DDC: variants seen among roughly 807,000 people sequenced by gnomAD.
The protein encoded by DDC is aromatic-L-amino-acid decarboxylase.
DDC carries 43 observed loss-of-function variants against 60.0 expected under a neutral mutation model. The observed-to-expected ratio is 0.72, with a 90% confidence interval of 0.56 to 0.92. DDC has a LOEUF of 0.92. DDC is among the 40% of genes least tolerant of loss of function. The probability of loss-of-function intolerance (pLI) is 0.00; values close to 1 mark genes in which losing one functional copy is unlikely to be tolerated. For synonymous variants in DDC, 232 were observed against 234.6 expected, an observed-to-expected ratio of 0.99 and a Z score of 0.10; for missense variants, 573 against 620.2, an observed-to-expected ratio of 0.92 and a Z score of 0.81.
At chr7:50,547,208 C>G (rs2044836290) in intron 1 of DDC, among the ~76,000 whole-genome samples, 1 of 148,116 alleles carries the variant, frequency 6.8e-6, no homozygotes, top group South Asian at 2.1e-4. Flanking sequence ...TTTTCTTTTT[C>G]TTTTTTTTTT....
chr7:50,477,146 C>G (rs2042664112), intron 10 of DDC, among the ~76,000 whole-genome samples: 2 of 152,184 alleles, frequency 1.3e-5, no homozygotes, highest in Non-Finnish European at 2.9e-5. Flanking sequence ...CAGTGAATAT[C>G]TGCTGAGTCA....
chr7:50,461,559 T>C (rs1383780536), intron 14 of DDC, among the ~76,000 whole-genome samples: 1 of 152,228 alleles, frequency 6.6e-6, no homozygotes, highest in Non-Finnish European at 1.5e-5. Context: ...AGAGCTACAC[T>C]CTCCACATAT....
At chr7:50,498,079 G>C (rs1337738669) in intron 8 of DDC, among the ~76,000 whole-genome samples, 1 of 152,176 alleles carries the variant, frequency 6.6e-6, no homozygotes, top group Non-Finnish European at 1.5e-5. Context: ...AGTATTTACT[G>C]TCTGCCAGGC....
intron 11 of DDC, among the ~76,000 whole-genome samples, chr7:50,473,292 G>A (rs1256041693): frequency 6.6e-6 from 1 of 152,164 alleles, no homozygotes; most frequent in Non-Finnish European, 1.5e-5. Flanking sequence ...CCAGGGCCCT[G>A]AGGCTGCTCC....
At chr7:50,468,241 G>A (rs1280650880) in intron 12 of DDC, among the ~76,000 whole-genome samples, 1 of 152,250 alleles carries the variant, frequency 6.6e-6, no homozygotes, top group Admixed American at 6.5e-5. Flanking sequence ...GGGCGATCCC[G>A]AAAGCCGGTT....
intron 9 of DDC, among the ~76,000 whole-genome samples, chr7:50,489,481 T>G (rs2042954105): frequency 6.6e-6 from 1 of 152,246 alleles, no homozygotes; most frequent in African/African-American, 2.4e-5. Context: ...CTAAAGTCAT[T>G]GTACTATTAC....
intron 1 of DDC, among the ~76,000 whole-genome samples, chr7:50,548,075 G>C (rs2044864952): frequency 1.3e-5 from 2 of 152,118 alleles, no homozygotes; most frequent in Non-Finnish European, 2.9e-5. Context: ...ATTGTTTTGG[G>C]ACAGCATGGA....
intron 14 of DDC, among the ~76,000 whole-genome samples, chr7:50,459,915 A>T (rs75826179): frequency 7.8e-6 from 1 of 128,458 alleles, no homozygotes; most frequent in African/African-American, 3.3e-5. Context: ...CAGCCGCCCC[A>T]TCCAGGAGGG....
At chr7:50,531,240 G>C (rs2044195876) in intron 4 of DDC, among the ~76,000 whole-genome samples, 1 of 152,148 alleles carries the variant, frequency 6.6e-6, no homozygotes, top group Admixed American at 6.5e-5. Flanking sequence ...AGGAAACCCA[G>C]GCTCCCTGAG....
chr7:50,471,854 A>T lies in DDC; in HGVS notation c.1042-1683T>A, dbSNP rs566738061. Among the ~76,000 whole-genome samples the T allele has an allele frequency of 5.7e-4, 87 of 152,284 alleles. 1 individual carries two copies. Among genetic ancestry groups the T allele is most frequent in the African/African-American group, 2.0e-3 (83 of 41,566 alleles). On this transcript the variant is annotated intron_variant, in intron 11 of 14. Coordinates refer to ENST00000444124, the MANE Select transcript of DDC (RefSeq NM_001082971.2). Reference sequence around the variant, plus strand: ...ACCACTAGCTGACTGACTATCTAACAGTCAGTAAAACGACGCTTCCCTGCC... The same window carrying T: ...ACCACTAGCTGACTGACTATCTAACTGTCAGTAAAACGACGCTTCCCTGCC...
chr7:50,462,226 C>CAAA (rs11410259), intron 14 of DDC, among the ~76,000 whole-genome samples: 83 of 75,322 alleles, frequency 1.1e-3, no homozygotes, highest in Middle Eastern at 9.3e-3. Flanking sequence ...GACAAAAAGA[C>CAAA]AAAAAAAAAA....
rs2043858973 is a variant in DDC at position 50,520,463 on chromosome 7, A to ACTTCAG, written c.714+7673_714+7674insCTGAAG. ...TCAAGAAAAATTTAAAAGTACTTCA[A>ACTTCAG]TGAAAATGACAATAAAACTCATCAA... On this transcript the variant is annotated intron_variant, in intron 6 of 14. Coordinates refer to ENST00000444124, the MANE Select transcript of DDC (RefSeq NM_001082971.2). 2.0e-5 allele frequency among the ~76,000 whole-genome samples: 3 copies of ACTTCAG among 152,130 alleles called. No homozygotes were observed. In the South Asian group the frequency reaches 6.2e-4, roughly 32 times the overall value.
chr7:50,547,162 C>G (rs1207900335), intron 1 of DDC, among the ~76,000 whole-genome samples: 1 of 151,978 alleles, frequency 6.6e-6, no homozygotes, highest in East Asian at 1.9e-4. Context: ...TTTTTCTTTA[C>G]TAATTTCTAA....
At chr7:50,534,697 T>C (rs547346537) in intron 4 of DDC, among the ~76,000 whole-genome samples, 1 of 152,022 alleles carries the variant, frequency 6.6e-6, no homozygotes, top group African/African-American at 2.4e-5. Context: ...AAAAAGTAAG[T>C]CGGCCACCAA....
intron 6 of DDC, among the ~76,000 whole-genome samples, chr7:50,526,765 A>T (rs1475960210): frequency 3.9e-5 from 6 of 152,206 alleles, no homozygotes; most frequent in Non-Finnish European, 7.4e-5. Flanking sequence ...TTGAAAGTAG[A>T]ATGGAAAATG....
intron 11 of DDC, among the ~76,000 whole-genome samples, chr7:50,473,418 G>A (rs935916946): frequency 5.9e-5 from 9 of 152,174 alleles, no homozygotes; most frequent in East Asian, 5.8e-4. Flanking sequence ...CCTGTGCTTC[G>A]CATTTAGAAG....
intron 10 of DDC, among the ~76,000 whole-genome samples, chr7:50,477,373 A>G (rs2042669063): frequency 6.6e-6 from 1 of 152,244 alleles, no homozygotes; most frequent in Admixed American, 6.5e-5. Flanking sequence ...CCTGCTGCAC[A>G]GATCGGTGGA....
rs146336938 is a variant in DDC at position 50,471,221 on chromosome 7, C to T, written c.1042-1050G>A. 1.2e-3 allele frequency among the ~76,000 whole-genome samples: 180 copies of T among 152,188 alleles called. 7 individuals carry two copies. The East Asian group carries it at 0.032, about 27-fold the overall frequency. On this transcript the variant is annotated intron_variant, in intron 11 of 14. Transcript: ENST00000444124. ...AGCCTGACCAACATGATGAAACCCT[C>T]TCTCTACTAAAAATACAAAAATTAG...
At chr7:50,518,947 C>A (rs1352118574) in intron 6 of DDC, among the ~76,000 whole-genome samples, 3 of 152,188 alleles carry the variant, frequency 2.0e-5, no homozygotes, top group Admixed American at 6.5e-5. Context: ...GCAGGGTAAA[C>A]AGACAACCCA....
Sources: gnomAD v4.1 joint callset for allele counts (sites outside exome capture counted in the v4.1 genomes callset) on GRCh38, gnomAD v4.1.1 for gene constraint, MANE v1.5 for transcripts, NCBI Gene and HGNC (gene_info 2026-07-23, HGNC 2026-07-21) for gene names.